The following VCAN variants were observed in gnomAD, a reference collection of about 807,000 sequenced individuals.
VCAN encodes versican core protein.
VCAN carries 44 observed loss-of-function variants against 245.5 expected under a neutral mutation model. That is an observed-to-expected ratio of 0.18 (90% CI 0.14 to 0.23). The LOEUF is 0.23. Among genes scored for constraint, VCAN ranks in the 10% least tolerant of loss-of-function variants. The probability of loss-of-function intolerance (pLI) is 1.00; values close to 1 mark genes in which losing one functional copy is unlikely to be tolerated. For synonymous variants in VCAN, 1,413 were observed against 1,437.0 expected, an observed-to-expected ratio of 0.98 and a Z score of 0.38; for missense variants, 3,793 against 4,057.9, an observed-to-expected ratio of 0.93 and a Z score of 1.77.
rs764331111 is a variant in VCAN, at chr5:83,537,340, G to T, written c.4337G>T (p.Ser1446Ile). The T allele has an allele frequency of 2.5e-6, 4 of 1,613,872 alleles. No individual in the cohort carries two copies. Among genetic ancestry groups the T allele is most frequent in the Non-Finnish European group, 3.4e-6 (4 of 1,179,952 alleles). The change falls in exon 8 of 15, where the codon AGC becomes ATC. Residue 1446 changes from serine to isoleucine, a missense_variant. By Grantham distance (142) the Ser-to-Ile change is moderately radical. Around this residue, in one of 5 missense-constraint regions of VCAN, gnomAD observed 3,182 missense variants for 3,250.3 expected, o/e 0.98. Coordinates refer to ENST00000265077, the MANE Select transcript of VCAN (RefSeq NM_004385.5). The part of the protein sequence containing the change: ...SVAPSQNFSD[S>I]SESDTHPFVI... Reference sequence around the variant, plus strand: ...GCACCTTCTCAGAATTTCTCGGACAGCTCTGAAAGTGATACTCATCCATTT... The same window carrying T: ...GCACCTTCTCAGAATTTCTCGGACATCTCTGAAAGTGATACTCATCCATTT...
intron 13 of VCAN, among the ~76,000 whole-genome samples, chr5:83,572,861 TTTTATTTA>T (rs138181383): frequency 0.08 from 11,382 of 142,876 alleles, 619 homozygotes; most frequent in African/African-American, 0.16. Context: ...ACCTTTTTAT[TTTTATTTA>T]TTTATTTATT....
intron 10 of VCAN, among the ~76,000 whole-genome samples, chr5:83,551,612 A>T (rs1407693876): frequency 6.6e-6 from 1 of 152,216 alleles, no homozygotes; most frequent in African/African-American, 2.4e-5. Context: ...GTTTTTTCTG[A>T]TGTATTATTC....
rs1379192709 is a variant in VCAN, at chr5:83,537,138, A to G, written c.4135A>G (p.Ile1379Val). The G allele has an allele frequency of 6.2e-7, 1 of 1,613,896 alleles. No homozygotes were observed. The highest frequency in any genetic ancestry group is 8.5e-7 in the Non-Finnish European group (1 of 1,179,888). The change falls in exon 8 of 15, where the codon ATT (isoleucine) becomes GTT (valine). Residue 1379 changes from isoleucine to valine, a missense_variant. Ile to Val is a conservative substitution (Grantham distance 29). Transcript: ENST00000265077. ...AEILPEFPDI[I>V]EIDLYHSEEN... ...AATTTTACCTGAATTCCCTGACATA[A>G]TTGAAATAGACCTATACCACAGTGA...
Position 83,546,899 on chromosome 5 carries a change from C to A in VCAN, c.9380-1072C>A, listed in dbSNP as rs73148638. The stretch of plus-strand genomic sequence containing the variant: ...AAACATTAAATTTTTAGTGTAATTG[C>A]AAAATGCTATGGAAATAAAGTCACT... On this transcript the variant is annotated intron_variant, in intron 9 of 14. Coordinates refer to ENST00000265077, the MANE Select transcript of VCAN (RefSeq NM_004385.5). Among the ~76,000 whole-genome samples, 1,016 of 152,142 alleles carry A rather than the reference C, an allele frequency of 6.7e-3. 19 individuals are homozygous for A. The highest frequency in any genetic ancestry group is 0.023 in the African/African-American group (962 of 41,518).
intron 7 of VCAN, among the ~76,000 whole-genome samples, chr5:83,523,748 G>A (rs1415153582): frequency 6.6e-6 from 1 of 152,062 alleles, no homozygotes; most frequent in Non-Finnish European, 1.5e-5. Flanking sequence ...TCTTGCTAAT[G>A]ATATTGTTTC....
chr5:83,572,054 TAG>T (rs1286202592), intron 12 of VCAN, among the ~76,000 whole-genome samples: 4 of 152,216 alleles, frequency 2.6e-5, no homozygotes, highest in African/African-American at 9.6e-5. Flanking sequence ...AAACAATGAT[TAG>T]AGTGATGAGA....
At chr5:83,514,038 TAAAGA>T (rs1262448059) in intron 6 of VCAN, among the ~76,000 whole-genome samples, 1 of 152,198 alleles carries the variant, frequency 6.6e-6, no homozygotes, top group Non-Finnish European at 1.5e-5. Flanking sequence ...AGACTATTAT[TAAAGA>T]ATTCATCCTG....
In VCAN at chr5:83,522,269, C is replaced by T. The variant is rs764986668; in HGVS notation, c.3963C>T (p.Asp1321=). The change falls in exon 7 of 15, where the codon GAC becomes GAT. Residue 1321 remains aspartate, a synonymous_variant. Transcript: ENST00000265077. ...CAGCAAGCACAAAATTTCACCCTGA[C>T]ATTAATGTTTATATTATTGAGGTCA... is the stretch of plus-strand genomic sequence containing the variant. The part of the protein sequence containing the change: ...QPPASTKFHP[D]INVYIIEVRE... 1 of 1,599,612 alleles carries T rather than the reference C, an allele frequency of 6.3e-7. No individual in the cohort carries two copies. Among genetic ancestry groups the T allele is most frequent in the Admixed American group, 1.7e-5 (1 of 59,984 alleles).
At chr5:83,543,983 C>CA (rs1747102588) in intron 8 of VCAN, among the ~76,000 whole-genome samples, 1 of 152,210 alleles carries the variant, frequency 6.6e-6, no homozygotes, top group African/African-American at 2.4e-5. Context: ...AAGACTCACT[C>CA]ACTCAGTCCT....
chr5:83,521,440 C>T lies in VCAN; in HGVS notation c.3134C>T (p.Pro1045Leu), dbSNP rs764495815. ...FPWKEQTAEKPVPALSSTAWT... is the reference protein window; with the variant it reads ...FPWKEQTAEKLVPALSSTAWT... ...TGGAAAGAACAGACTGCAGAGAAACCAGTTCCTGCTCTCAGTTCTACAGCT... is the reference window on the plus strand; with the variant it reads ...TGGAAAGAACAGACTGCAGAGAAACTAGTTCCTGCTCTCAGTTCTACAGCT... Residue 1045 changes from proline to leucine, a missense_variant, in exon 7 of 15, where the codon CCA becomes CTA. Around this residue, in one of 5 missense-constraint regions of VCAN, gnomAD observed 3,182 missense variants for 3,250.3 expected, o/e 0.98. Coordinates refer to ENST00000265077, the MANE Select transcript of VCAN (RefSeq NM_004385.5). 1.8e-5 allele frequency: 29 copies of T among 1,614,022 alleles called. No individual in the cohort carries two copies. Among genetic ancestry groups the T allele is most frequent in the Non-Finnish European group, 2.5e-5 (29 of 1,180,020 alleles).
intron 1 of VCAN, among the ~76,000 whole-genome samples, chr5:83,474,098 T>C (rs1182357740): frequency 6.6e-6 from 1 of 152,076 alleles, no homozygotes; most frequent in African/African-American, 2.4e-5. Flanking sequence ...CATGACCACT[T>C]GAACCCAACG....
At position 83,518,702 on chromosome 5, in the gene VCAN, G is replaced by T. The variant is rs310517; in HGVS notation, c.1043-647G>T. Among the ~76,000 whole-genome samples the T allele has an allele frequency of 0.017, 2,528 of 152,308 alleles. 141 individuals are homozygous for T. The East Asian group carries it at 0.2, about 12-fold the overall frequency. On this transcript the variant is annotated intron_variant, in intron 6 of 14. Transcript: ENST00000265077. ...AGTTGAAAGAAGGATGAAGACAAATGTCCAACACCTGGGATCAAGTGAAGA... is the reference window on the plus strand; with the variant it reads ...AGTTGAAAGAAGGATGAAGACAAATTTCCAACACCTGGGATCAAGTGAAGA...
chr5:83,541,055 C>T lies in VCAN; in HGVS notation c.8052C>T (p.Asp2684=), dbSNP rs184452501. 7.0e-5 allele frequency: 113 copies of T among 1,614,016 alleles called. No individual in the cohort carries two copies. The highest frequency in any genetic ancestry group is 1.1e-4 in the East Asian group (5 of 44,864). Residue 2684 remains aspartate, a synonymous_variant, in exon 8 of 15, where the codon GAC becomes GAT. Coordinates refer to ENST00000265077, the MANE Select transcript of VCAN (RefSeq NM_004385.5). ...CTCCTAGCACAGAAACAGAATTAGA[C>T]GTTTTACTTCCCACGGCAACATCCC... is the stretch of plus-strand genomic sequence containing the variant. The part of the protein sequence containing the change: ...IPAPSTETEL[D]VLLPTATSLP...
intron 12 of VCAN, among the ~76,000 whole-genome samples, chr5:83,561,826 C>G (rs1747877752): frequency 6.6e-6 from 1 of 152,152 alleles, no homozygotes; most frequent in Non-Finnish European, 1.5e-5. Context: ...CATTATTACC[C>G]TTTCATAAAC....
intron 12 of VCAN, among the ~76,000 whole-genome samples, chr5:83,565,216 C>G (rs1279115410): frequency 6.6e-6 from 1 of 152,170 alleles, no homozygotes; most frequent in Non-Finnish European, 1.5e-5. Context: ...TTGGACAGCT[C>G]AGTTTTCCCA....
intron 3 of VCAN, 120 bp from the exon 4 acceptor site, chr5:83,493,426 A>T (rs2112358213): frequency 7.7e-7 from 1 of 1,294,836 alleles, no homozygotes; most frequent in African/African-American, 1.5e-5. Flanking sequence ...AAAGTAAATA[A>T]TTATTATGAT....
chr5:83,572,706 C>A, intron 13 of VCAN, 146 bp downstream of exon 13: 1 of 1,121,762 alleles, frequency 8.9e-7, no homozygotes, highest in Non-Finnish European at 1.3e-6. Context: ...GAATATTTCA[C>A]TCTTCCAAAA....
At chr5:83,568,145 T>G (rs1274871009) in intron 12 of VCAN, among the ~76,000 whole-genome samples, 4 of 152,154 alleles carry the variant, frequency 2.6e-5, no homozygotes, top group Admixed American at 6.5e-5. Flanking sequence ...TTTTTTTTTA[T>G]ATTTTCTCCC....
chr5:83,580,194 G>C, intron 14 of VCAN, 32 bp downstream of exon 14: 1 of 1,613,940 alleles, frequency 6.2e-7, no homozygotes, highest in Non-Finnish European at 8.5e-7. Context: ...ATGGACTACC[G>C]TGCTATAACA....
Sources: allele counts gnomAD v4.1 joint callset (sites outside exome capture counted in the v4.1 genomes callset), GRCh38; gene constraint gnomAD v4.1.1; regional missense constraint gnomAD v4.1.1; transcripts MANE v1.5; gene names NCBI Gene and HGNC (gene_info 2026-07-23, HGNC 2026-07-21).